The following UNC80 variants were observed in gnomAD, a reference collection of about 807,000 sequenced individuals.
UNC80 encodes the protein unc-80 subunit of NALCN channel complex, also known as protein unc-80 homolog.
In UNC80, 164 loss-of-function variants were observed where a neutral mutation model predicts 384.6. The ratio of observed to expected loss-of-function variants is 0.43; its 90% CI spans 0.38 to 0.49. The LOEUF is 0.49. Ranked by LOEUF, UNC80 falls within the 20% of genes least tolerant of loss-of-function variation. The pLI, the probability that UNC80 is intolerant of heterozygous loss-of-function variation, is 0.00. For missense variants in UNC80, 3,330 were observed against 4,143.0 expected, an observed-to-expected ratio of 0.80 and a Z score of 5.39; for synonymous variants, 1,486 against 1,527.8, an observed-to-expected ratio of 0.97 and a Z score of 0.64.
At position 209,994,202 on chromosome 2, in the gene UNC80, C is replaced by G. The variant is rs1203845673; in HGVS notation, c.9646C>G (p.Pro3216Ala). 1 of 1,551,396 alleles carries G rather than the reference C, an allele frequency of 6.4e-7. No individual in the cohort carries two copies. The highest frequency in any genetic ancestry group is 1.2e-5 in the South Asian group (1 of 84,062). The change falls in exon 64 of 65, where the codon CCA becomes GCA. Residue 3216 changes from proline (P) to alanine (A), a missense_variant. Around this residue, in one of 8 missense-constraint regions of UNC80, gnomAD observed 236 missense variants for 254.9 expected, o/e 0.93. Coordinates refer to ENST00000673920, the MANE Select transcript of UNC80 (RefSeq NM_001371986.1). ...TAGGAAACCAGAAGCAATGGACGAA[C>G]CAGTCCTCACATCTTCTCCCGCCAT... is the stretch of plus-strand genomic sequence containing the variant. ...PSRKPEAMDE[P>A]VLTSSPAIVV...
chr2:209,839,243 C>T lies in UNC80; in HGVS notation c.3063C>T (p.Ala1021=). The change falls in exon 19 of 65, where the codon GCC becomes GCT. Residue 1021 remains alanine, a synonymous_variant. Coordinates refer to ENST00000673920, the MANE Select transcript of UNC80 (RefSeq NM_001371986.1). The surrounding 1 kb of genome is among the most constrained non-coding windows in gnomAD (Gnocchi z 4.1). ...TPEHDEQMQG[A]NLGRKDFWRK... is the part of the protein sequence containing the mutation. ...ACAGCGATGAACAAATGCAAGGAGC[C>T]AACTTGGGGCGGAAAGATTTCTGGC... 1 of 1,551,528 alleles carries T rather than the reference C, an allele frequency of 6.4e-7. No individual in the cohort carries two copies. Among genetic ancestry groups the T allele is most frequent in the Non-Finnish European group, 8.7e-7 (1 of 1,146,986 alleles).
chr2:209,973,653 C>T (rs1385456044), intron 56 of UNC80, among the ~76,000 whole-genome samples: 2 of 152,184 alleles, frequency 1.3e-5, no homozygotes, highest in Non-Finnish European at 2.9e-5. Flanking sequence ...AGTACCAGAT[C>T]ACTAGTGAGG....
intron 31 of UNC80, among the ~76,000 whole-genome samples, chr2:209,916,746 G>A (rs1234851419): frequency 3.3e-5 from 5 of 152,084 alleles, no homozygotes; most frequent in Non-Finnish European, 7.4e-5. Context: ...CAGCTCAAAG[G>A]GCAAGGAAAC....
chr2:209,943,676 AAGG>A (rs1385835915), intron 45 of UNC80, among the ~76,000 whole-genome samples, 162 bp downstream of exon 45: 1 of 152,198 alleles, frequency 6.6e-6, no homozygotes, highest in African/African-American at 2.4e-5. Flanking sequence ...ATAGTGAAAA[AAGG>A]AGAAGCTTCA....
intron 47 of UNC80, chr2:209,951,640 G>A (rs2092194006): frequency 6.6e-6 from 1 of 152,152 alleles, no homozygotes; most frequent in Non-Finnish European, 1.5e-5. Context: ...TTTTCTCTTT[G>A]CTTTGGGTTT....
intron 42 of UNC80, among the ~76,000 whole-genome samples, chr2:209,938,362 C>T (rs184105264): frequency 4.6e-5 from 7 of 152,218 alleles, no homozygotes; most frequent in Admixed American, 3.9e-4. Context: ...GATACTTGAT[C>T]ATTTCAATTT....
intron 48 of UNC80, 197 bp downstream of exon 48, chr2:209,954,467 A>G: frequency 2.4e-6 from 1 of 412,756 alleles, no homozygotes; most frequent in Non-Finnish European, 4.2e-6. Flanking sequence ...AAGCATTCTG[A>G]TTAGTAGTAG....
intron 13 of UNC80, among the ~76,000 whole-genome samples, chr2:209,824,843 T>C (rs898878418): frequency 3.3e-5 from 5 of 152,178 alleles, no homozygotes; most frequent in Admixed American, 6.6e-5. Context: ...TGAGTACTTA[T>C]ATCTGGTTCC....
chr2:209,931,240 C>T (rs1169392779), intron 38 of UNC80, among the ~76,000 whole-genome samples, 186 bp downstream of exon 38: 1 of 152,030 alleles, frequency 6.6e-6, no homozygotes, highest in Non-Finnish European at 1.5e-5. Context: ...ATATAAATGT[C>T]AGTTCCTCTC....
Position 209,826,046 on chromosome 2 carries a change from G to A in UNC80, c.2471G>A (p.Arg824Gln), listed in dbSNP as rs1468887382. Residue 824 changes from arginine (R) to glutamine (Q), a missense_variant, in exon 14 of 65, where the codon CGA (arginine) becomes CAA (glutamine). Arg to Gln is a conservative substitution (Grantham distance 43). Coordinates refer to ENST00000673920, the MANE Select transcript of UNC80 (RefSeq NM_001371986.1). Reference sequence around the variant, plus strand: ...GATCGTCTGAGACACCAGGTATTCCGAGAGAATGTAAGAGAATTAAAGTAG... The same window carrying A: ...GATCGTCTGAGACACCAGGTATTCCAAGAGAATGTAAGAGAATTAAAGTAG... Reference protein sequence around the residue: ...SGDRLRHQVFRENAQNCLTKL... With the variant: ...SGDRLRHQVFQENAQNCLTKL... The A allele has an allele frequency of 3.9e-6, 6 of 1,548,292 alleles. No individual in the cohort carries two copies. The highest frequency in any genetic ancestry group is 2.4e-5 in the East Asian group (1 of 40,854).
At chr2:209,852,341 A>G (rs534176026) in intron 22 of UNC80, among the ~76,000 whole-genome samples, 1 of 152,162 alleles carries the variant, frequency 6.6e-6, no homozygotes, top group East Asian at 1.9e-4. Context: ...AAAAAGAGAG[A>G]GAATCTGGGT....
intron 25 of UNC80, among the ~76,000 whole-genome samples, chr2:209,887,410 C>G (rs544408066): frequency 1.8e-4 from 27 of 152,266 alleles, no homozygotes; most frequent in Admixed American, 3.3e-4. Context: ...CCTCTGACTA[C>G]AGCCTGGAAA....
intron 13 of UNC80, among the ~76,000 whole-genome samples, chr2:209,823,959 C>G (rs181618491): frequency 6.6e-6 from 1 of 152,126 alleles, no homozygotes; most frequent in East Asian, 1.9e-4. Context: ...TACCTGACCT[C>G]ATGTGACAAG....
intron 29 of UNC80, among the ~76,000 whole-genome samples, chr2:209,908,626 C>CA (rs1025913722): frequency 3.9e-5 from 6 of 152,044 alleles, no homozygotes; most frequent in Non-Finnish European, 8.8e-5. Context: ...GATACATGCT[C>CA]AAAAAAATAA....
At chr2:209,974,283 G>A (rs572931726) in intron 56 of UNC80, among the ~76,000 whole-genome samples, 1 of 152,308 alleles carries the variant, frequency 6.6e-6, no homozygotes, top group Admixed American at 6.5e-5. Flanking sequence ...AATGAAAAAG[G>A]AGAAAAAGAC....
rs142539375 is a variant in UNC80, at chr2:209,984,588, A to G, written c.9258-268A>G. 6.9e-3 allele frequency among the ~76,000 whole-genome samples: 1,049 copies of G among 152,168 alleles called. 7 individuals are homozygous for G. Among genetic ancestry groups the G allele is most frequent in the Non-Finnish European group, 0.012 (794 of 67,996 alleles). On this transcript the variant is annotated intron_variant, in intron 60 of 64. Coordinates refer to ENST00000673920, the MANE Select transcript of UNC80 (RefSeq NM_001371986.1). Reference sequence around the variant, plus strand: ...TTTCAGAGCCTATGGGCCCATTCGGAGTTCATTTTAACTCTTGACCAATAA... The same window carrying G: ...TTTCAGAGCCTATGGGCCCATTCGGGGTTCATTTTAACTCTTGACCAATAA...
intron 23 of UNC80, among the ~76,000 whole-genome samples, 161 bp downstream of exon 23, chr2:209,873,131 G>A (rs184394611): frequency 3.3e-5 from 5 of 152,164 alleles, no homozygotes; most frequent in East Asian, 1.9e-4. Context: ...TCATTTAATC[G>A]TCCCAATAAA....
Position 209,921,492 on chromosome 2 carries a change from C to T in UNC80, c.5344-8C>T. ...CTATTAAATGAACTTGCCTTTATGT[C>T]TCCACAGAAATCCTTTTCAGCCCGG... is the stretch of plus-strand genomic sequence containing the variant. On this transcript the variant is annotated splice_polypyrimidine_tract_variant and splice_region_variant and intron_variant, in intron 33 of 64. Transcript: ENST00000673920. 1.3e-6 allele frequency: 2 copies of T among 1,542,998 alleles called. No individual in the cohort carries two copies. Among genetic ancestry groups the T allele is most frequent in the African/African-American group, 1.4e-5 (1 of 72,500 alleles).
chr2:209,817,962 A>C lies in UNC80; in HGVS notation c.1693+10A>C. On this transcript the variant is annotated intron_variant, in intron 11 of 64. Transcript: ENST00000673920. ...AACACCGTCAAGGAAGGTGGGTAGG[A>C]GGTGGGGCCTACGGGCAGGAGTTCA... 1 of 1,551,468 alleles carries C rather than the reference A, an allele frequency of 6.4e-7. No homozygotes were observed. The highest frequency in any genetic ancestry group is 2.4e-5 in the East Asian group (1 of 40,910).
Sources: allele counts gnomAD v4.1 joint callset (sites outside exome capture counted in the v4.1 genomes callset), GRCh38; gene constraint gnomAD v4.1.1; regional missense constraint gnomAD v4.1.1; non-coding constraint Gnocchi (gnomAD v3.1); transcripts MANE v1.5; gene names NCBI Gene and HGNC (gene_info 2026-07-23, HGNC 2026-07-21).